PLEKHA5: variants seen among roughly 807,000 people sequenced by gnomAD.
The protein encoded by PLEKHA5 is pleckstrin homology domain-containing family A member 5.
PLEKHA5 carries 55 observed loss-of-function variants against 181.9 expected under a neutral mutation model. The observed-to-expected ratio is 0.30, with a 90% CI of 0.24 to 0.38. PLEKHA5 has a LOEUF of 0.38. PLEKHA5 is among the 10% of genes least tolerant of loss of function. PLEKHA5 has a pLI of 1.00. For missense variants in PLEKHA5, 1,432 were observed against 1,549.5 expected (o/e 0.92, Z 1.27); for synonymous variants, 535 against 529.4 (o/e 1.01, Z -0.15).
chr12:19,330,570 G>A (rs933434566), intron 20 of PLEKHA5, among the ~76,000 whole-genome samples: 16 of 149,698 alleles, frequency 1.1e-4, no homozygotes, highest in African/African-American at 3.4e-4. Flanking sequence ...GTATAAATTC[G>A]TAAAAAAAAA....
rs371609660 is a variant in PLEKHA5 at position 19,343,305 on chromosome 12, A to G, written c.2551-18A>G. ...TGATTTTTTTTCTTATATATGGTCT[A>G]TCCATTTTTACTGATAGACGGAATC... On this transcript the variant is annotated intron_variant, in intron 21 of 31. Coordinates refer to ENST00000429027, the MANE Select transcript of PLEKHA5 (RefSeq NM_001256470.2). 22 of 1,507,600 alleles carry G rather than the reference A, an allele frequency of 1.5e-5. No individual in the cohort carries two copies. The highest frequency in any genetic ancestry group is 6.9e-5 in the African/African-American group (5 of 72,866). 93.4% of individuals were successfully genotyped at this position (1,507,600 alleles called of 1,614,324 possible).
chr12:19,348,529 T>A lies in PLEKHA5; in HGVS notation c.3019+10T>A. ...ACTTCAGTTGTTAAAGGTCAGCATT[T>A]GTAATATGTTTTACCTCTTGGTTTT... On this transcript the variant is annotated intron_variant, in intron 25 of 31. Coordinates refer to ENST00000429027, the MANE Select transcript of PLEKHA5 (RefSeq NM_001256470.2). 1 of 1,558,272 alleles carries A rather than the reference T, an allele frequency of 6.4e-7. No individual in the cohort carries two copies. The highest frequency in any genetic ancestry group is 8.6e-7 in the Non-Finnish European group (1 of 1,160,400).
At chr12:19,246,657 C>T (rs1056840454) in intron 3 of PLEKHA5, among the ~76,000 whole-genome samples, 10 of 148,954 alleles carry the variant, frequency 6.7e-5, no homozygotes, top group Non-Finnish European at 1.0e-4. Context: ...GTACTGGATT[C>T]ATTTCTATAA....
chr12:19,136,429 C>T (rs906172309), intron 3 of PLEKHA5, among the ~76,000 whole-genome samples: 2 of 151,918 alleles, frequency 1.3e-5, no homozygotes, highest in African/African-American at 2.4e-5. Flanking sequence ...TTAAATATTC[C>T]GTATTCTTAT....
chr12:19,287,728 G>A (rs900254910), intron 13 of PLEKHA5, among the ~76,000 whole-genome samples, 172 bp downstream of exon 13: 1 of 152,198 alleles, frequency 6.6e-6, no homozygotes, highest in Non-Finnish European at 1.5e-5. Context: ...AGCCATTTCA[G>A]TGTTTTAGTG....
At chr12:19,217,040 A>G (rs922177721) in intron 3 of PLEKHA5, among the ~76,000 whole-genome samples, 3 of 152,218 alleles carry the variant, frequency 2.0e-5, no homozygotes, top group Non-Finnish European at 4.4e-5. Context: ...GTCTAAATTA[A>G]GTAAATGCAA....
At chr12:19,189,278 G>A (rs1452900298) in intron 3 of PLEKHA5, among the ~76,000 whole-genome samples, 1 of 152,194 alleles carries the variant, frequency 6.6e-6, no homozygotes, top group East Asian at 1.9e-4. Context: ...GTGAGAATTA[G>A]AGTAGAAACA....
At position 19,250,903 on chromosome 12, in the gene PLEKHA5, A is replaced by G. The variant is rs187479267; in HGVS notation, c.228-3037A>G. ...AACAAAAAACGCAGGGCTTGGGGGG[A>G]AAATGGATCTAGGAGCACACTACAC... On this transcript the variant is annotated intron_variant, in intron 3 of 31. Coordinates refer to ENST00000429027, the MANE Select transcript of PLEKHA5 (RefSeq NM_001256470.2). Among the ~76,000 whole-genome samples, 440 of 152,208 alleles carry G rather than the reference A, an allele frequency of 2.9e-3. 1 individual carries two copies. The highest frequency in any genetic ancestry group is 0.01 in the African/African-American group (416 of 41,518).
chr12:19,238,517 A>G (rs1437558239), intron 3 of PLEKHA5, among the ~76,000 whole-genome samples: 2 of 152,142 alleles, frequency 1.3e-5, no homozygotes, highest in Non-Finnish European at 2.9e-5. Flanking sequence ...TTCAGATTCC[A>G]ACTAAGATTC....
chr12:19,155,229 A>G lies in PLEKHA5; in HGVS notation c.227+22779A>G, dbSNP rs76846179. ...CTCTATGTAAAATAAATATGTTTTTATAATATCAACTGCTTTACCTGGCAA... is the reference window on the plus strand; with the variant it reads ...CTCTATGTAAAATAAATATGTTTTTGTAATATCAACTGCTTTACCTGGCAA... On this transcript the variant is annotated intron_variant, in intron 3 of 31. Transcript: ENST00000429027. 2.7e-3 allele frequency among the ~76,000 whole-genome samples: 414 copies of G among 152,316 alleles called. 5 individuals are homozygous for G. In the East Asian group the frequency reaches 0.036, roughly 13 times the overall value.
chr12:19,198,575 C>A lies in PLEKHA5; in HGVS notation c.228-55365C>A, dbSNP rs929697659. On this transcript the variant is annotated intron_variant, in intron 3 of 31. Coordinates refer to ENST00000429027, the MANE Select transcript of PLEKHA5 (RefSeq NM_001256470.2). ...AATATATGCTCCATGAGAGCATAGA[C>A]CTTTTTACTGCTGTTATGTGTAATA... Among the ~76,000 whole-genome samples the A allele has an allele frequency of 3.3e-5, 5 of 152,232 alleles. 1 individual carries two copies. The South Asian group carries it at 8.3e-4, about 25-fold the overall frequency.
At chr12:19,301,774 A>C (rs930578004) in intron 15 of PLEKHA5, among the ~76,000 whole-genome samples, 1 of 152,234 alleles carries the variant, frequency 6.6e-6, no homozygotes, top group Non-Finnish European at 1.5e-5. Context: ...CTTCTGAAGT[A>C]ATCTCAATAA....
chr12:19,154,441 C>T (rs2151364534), intron 3 of PLEKHA5: 2 of 152,048 alleles, frequency 1.3e-5, no homozygotes, highest in African/African-American at 4.8e-5. Flanking sequence ...TGTGTACAAC[C>T]AAGATACTCA....
At chr12:19,278,678 A>G (rs577035969) in intron 11 of PLEKHA5, among the ~76,000 whole-genome samples, 2 of 152,192 alleles carry the variant, frequency 1.3e-5, no homozygotes, top group South Asian at 4.1e-4. Context: ...CTTTCGTGTG[A>G]TAGGAGACGG....
intron 3 of PLEKHA5, among the ~76,000 whole-genome samples, chr12:19,145,430 G>GT (rs1247508968): frequency 6.6e-6 from 1 of 152,040 alleles, no homozygotes; most frequent in Non-Finnish European, 1.5e-5. Flanking sequence ...GAAGTTATAA[G>GT]TATCAGTGGT....
chr12:19,255,116 A>C lies in PLEKHA5; in HGVS notation c.383A>C (p.Tyr128Ser). The C allele has an allele frequency of 6.2e-7, 1 of 1,609,930 alleles. No individual in the cohort carries two copies. Among genetic ancestry groups the C allele is most frequent in the Non-Finnish European group, 8.5e-7 (1 of 1,176,922 alleles). Residue 128 changes from tyrosine to serine, a missense_variant, in exon 5 of 32, where the codon TAT (tyrosine) becomes TCT (serine). Physicochemically the swap from Tyr to Ser is moderately radical, Grantham distance 144. This residue lies in a region of PLEKHA5 where 289 missense variants were observed against 381.1 expected (regional missense o/e 0.76). Transcript: ENST00000429027. Reference sequence around the variant, plus strand: ...AGTATGATAAATGAAGCTTCTAACTATAACGTGACTTCAGATTATGCAGTG... The same window carrying C: ...AGTATGATAAATGAAGCTTCTAACTCTAACGTGACTTCAGATTATGCAGTG... ...PISMINEASN[Y>S]NVTSDYAVHP...
chr12:19,302,428 C>T (rs947794745), intron 15 of PLEKHA5, among the ~76,000 whole-genome samples: 1 of 152,188 alleles, frequency 6.6e-6, no homozygotes, highest in Non-Finnish European at 1.5e-5. Context: ...TTTACTGGTC[C>T]TCTGTCGCCG....
At chr12:19,146,757 T>C (rs2039028291) in intron 3 of PLEKHA5, among the ~76,000 whole-genome samples, 1 of 152,208 alleles carries the variant, frequency 6.6e-6, no homozygotes, top group South Asian at 2.1e-4. Context: ...TGCTCTCTGT[T>C]TTGTGACCAC....
In PLEKHA5 at chr12:19,274,578, G is replaced by C. The variant is rs2074015632; in HGVS notation, c.908G>C (p.Arg303Thr). The C allele has an allele frequency of 6.2e-7, 1 of 1,613,366 alleles. No individual in the cohort carries two copies. The stretch of plus-strand genomic sequence containing the variant: ...GAAACCAATAACATTCCCAACCATA[G>C]AGTGCTAATTAAACCAGAGATCCAA... ...TKETNNIPNH[R>T]VLIKPEIQNN... The change falls in exon 11 of 32, where the codon AGA becomes ACA. Residue 303 changes from arginine to threonine, a missense_variant. Arg to Thr is a moderately conservative substitution (Grantham distance 71). This residue lies in a region of PLEKHA5 where 289 missense variants were observed against 381.1 expected (regional missense o/e 0.76). Transcript: ENST00000429027.
Sources: allele counts gnomAD v4.1 joint callset (sites outside exome capture counted in the v4.1 genomes callset), GRCh38; gene constraint gnomAD v4.1.1; regional missense constraint gnomAD v4.1.1; transcripts MANE v1.5; gene names NCBI Gene and HGNC (gene_info 2026-07-23, HGNC 2026-07-21).